Variants in NEU3 observed in about 807,000 individuals in gnomAD.
The protein encoded by NEU3 is neuraminidase 3.
Under a neutral mutation model 11.4 loss-of-function variants are expected in NEU3, and 10 were observed. The observed-to-expected ratio is 0.88, with a 90% CI of 0.54 to 1.49. The LOEUF (loss-of-function observed/expected upper bound fraction) is 1.49, where lower values mean the gene tolerates loss of function less well. Among genes scored for constraint, NEU3 ranks in the 40% most tolerant of loss-of-function variants. The pLI is 0.00. For synonymous variants in NEU3, 212 were observed against 228.2 expected, an observed-to-expected ratio of 0.93 and a Z score of 0.64; for missense variants, 529 against 581.8, an observed-to-expected ratio of 0.91 and a Z score of 0.93.
Position 75,007,316 on chromosome 11 carries a change from C to G in NEU3, c.*824C>G, listed in dbSNP as rs749319792. On this transcript the variant is annotated 3_prime_UTR_variant, in exon 3 of 3. Transcript: ENST00000294064. Reference sequence around the variant, plus strand: ...TGGATTAGGACTTTAAAACACTGGACAGAATTTCCCACAGTCTTTGCCCTC... The same window carrying G: ...TGGATTAGGACTTTAAAACACTGGAGAGAATTTCCCACAGTCTTTGCCCTC... 3.3e-5 allele frequency: 5 copies of G among 152,186 alleles called. No homozygotes were observed. Among genetic ancestry groups the G allele is most frequent in the Non-Finnish European group, 7.3e-5 (5 of 68,036 alleles). 9.4% of individuals were successfully genotyped at this position (152,186 alleles called of 1,614,324 possible).
At position 75,005,534 on chromosome 11, in the gene NEU3, A is replaced by G. The variant is rs770046946; in HGVS notation, c.428A>G (p.His143Arg). 6.8e-6 allele frequency: 11 copies of G among 1,613,978 alleles called. No homozygotes were observed. The highest frequency in any genetic ancestry group is 5.0e-5 in the Admixed American group (3 of 60,018). ...VFLFFICVRG[H>R]VTERQQIVSG... ...CTGTTCTTCATCTGTGTGCGGGGCCATGTCACAGAGCGTCAACAGATTGTG... is the reference window on the plus strand; with the variant it reads ...CTGTTCTTCATCTGTGTGCGGGGCCGTGTCACAGAGCGTCAACAGATTGTG... Residue 143 changes from histidine (H) to arginine (R), a missense_variant, in exon 3 of 3, where the codon CAT becomes CGT. Physicochemically the swap from His to Arg is conservative, Grantham distance 29 (BLOSUM62 0). Transcript: ENST00000294064.
At chr11:74,984,370 C>T (rs1948654582), upstream of NEU3, among the ~76,000 whole-genome samples, 1 of 152,218 alleles carries the variant, frequency 6.6e-6, no homozygotes, top group Non-Finnish European at 1.5e-5. Context: ...CACTTCATTA[C>T]ATGTGCAGGT....
Position 74,988,991 on chromosome 11 carries a change from C to A in NEU3, c.-70C>A. 1 of 1,194,108 alleles carries A rather than the reference C, an allele frequency of 8.4e-7. No individual in the cohort carries two copies. The highest frequency in any genetic ancestry group is 1.2e-6 in the Non-Finnish European group (1 of 836,498). The allele number at this position is 1,194,108 out of a possible 1,614,324, so 74.0% of individuals were successfully genotyped here. ...TCCGTGTCCTCCGTCTCAGTTGTTTCTCCCTCTCTATCCTCCTCTGTCTCA... is the reference window on the plus strand; with the variant it reads ...TCCGTGTCCTCCGTCTCAGTTGTTTATCCCTCTCTATCCTCCTCTGTCTCA... On this transcript the variant is annotated 5_prime_UTR_variant, in exon 1 of 3. Coordinates refer to ENST00000294064, the MANE Select transcript of NEU3 (RefSeq NM_006656.6).
In NEU3 at chr11:74,996,734, C is replaced by T. The variant is rs563068216; in HGVS notation, c.306+2014C>T. On this transcript the variant is annotated intron_variant, in intron 2 of 2. Transcript: ENST00000294064. ...AATCACTATCTATGGCAACTATAGT[C>T]TTATGAAATATTTCTTAAATAATGA... Among the ~76,000 whole-genome samples, 3 of 152,280 alleles carry T rather than the reference C, an allele frequency of 2.0e-5. No individual in the cohort carries two copies. The East Asian group carries it at 5.8e-4, about 29-fold the overall frequency.
At chr11:74,984,125 C>T (rs1019507141), upstream of NEU3, among the ~76,000 whole-genome samples, 1 of 152,114 alleles carries the variant, frequency 6.6e-6, no homozygotes, top group African/African-American at 2.4e-5. Flanking sequence ...CATCAAAAGC[C>T]AAGATGGCAT....
chr11:74,983,453 C>A (rs1265409055), upstream of NEU3, among the ~76,000 whole-genome samples: 1 of 152,206 alleles, frequency 6.6e-6, no homozygotes, highest in African/African-American at 2.4e-5. Flanking sequence ...GCTATGTGGA[C>A]TTTGCAGTCA....
In NEU3 at chr11:75,007,621, C is replaced by T. The variant is rs972852261; in HGVS notation, c.*1129C>T. 1 of 152,260 alleles carries T rather than the reference C, an allele frequency of 6.6e-6. No homozygotes were observed. The highest frequency in any genetic ancestry group is 2.4e-5 in the African/African-American group (1 of 41,542). 9.4% of individuals were successfully genotyped at this position (152,260 alleles called of 1,614,324 possible). A position where few individuals can be genotyped will look rare whatever the true frequency, so the allele number is the denominator to read the frequency against. The stretch of plus-strand genomic sequence containing the variant: ...CACCATTAGGAAGATCTCTAGACCC[C>T]CAGATCTCAGAATCAGGCCTATTTG... On this transcript the variant is annotated 3_prime_UTR_variant, in exon 3 of 3. Transcript: ENST00000294064.
Position 75,006,019 on chromosome 11 carries a change from C to T in NEU3, c.913C>T (p.Leu305Phe), listed in dbSNP as rs370296365. ...GFQRLALSRQ[L>F]CEPPHGCQGS... ...TCAGAGACTGGCCCTGAGTCGACAG[C>T]TCTGTGAGCCCCCACATGGTTGCCA... The change falls in exon 3 of 3, where the codon CTC becomes TTC. Residue 305 changes from leucine to phenylalanine, a missense_variant. Transcript: ENST00000294064. The T allele has an allele frequency of 6.2e-7, 1 of 1,613,886 alleles. No individual in the cohort carries two copies. Among genetic ancestry groups the T allele is most frequent in the African/African-American group, 1.3e-5 (1 of 74,920 alleles).
upstream of NEU3, among the ~76,000 whole-genome samples, chr11:74,986,866 TA>T (rs1177489980): frequency 2.6e-5 from 4 of 152,338 alleles, no homozygotes; most frequent in Admixed American, 2.6e-4. Flanking sequence ...CTTAACTCAT[TA>T]CTGTTTTGTT....
At chr11:75,001,153 C>T (rs1484703819) in intron 2 of NEU3, among the ~76,000 whole-genome samples, 1 of 152,036 alleles carries the variant, frequency 6.6e-6, no homozygotes, top group Non-Finnish European at 1.5e-5. Context: ...GGTAGCTGTC[C>T]AAATAGTTGT....
intron 2 of NEU3, 51 bp downstream of exon 2, chr11:74,994,771 G>C (rs767654941): frequency 6.7e-7 from 1 of 1,494,688 alleles, no homozygotes; most frequent in African/African-American, 1.4e-5. Context: ...TCTTCACAAA[G>C]CTCAGAGCTC....
At chr11:75,004,349 G>T in intron 2 of NEU3, 2 of 656,202 alleles carry the variant, frequency 3.0e-6, no homozygotes, top group South Asian at 3.3e-5. Context: ...CAAACTCCTG[G>T]ACTCAAGCTA....
chr11:75,020,096 G>T (rs1031511789), downstream of NEU3, among the ~76,000 whole-genome samples: 11 of 152,160 alleles, frequency 7.2e-5, no homozygotes, highest in Non-Finnish European at 1.3e-4. Flanking sequence ...TGACTGCCCT[G>T]CTGGATTTCG....
At chr11:74,995,293 C>T (rs1449027816) in intron 2 of NEU3, among the ~76,000 whole-genome samples, 2 of 152,152 alleles carry the variant, frequency 1.3e-5, no homozygotes, top group Admixed American at 1.3e-4. Context: ...ATTTTATTAT[C>T]CCCATTTTGC....
At chr11:74,989,853 G>A (rs1948711173) in intron 1 of NEU3, 2 of 646,660 alleles carry the variant, frequency 3.1e-6, no homozygotes, top group East Asian at 2.7e-5. Context: ...AAAGCGGGAA[G>A]GACTTGATGG....
intron 2 of NEU3, among the ~76,000 whole-genome samples, chr11:75,004,978 A>G (rs1948883304): frequency 6.7e-6 from 1 of 148,370 alleles, no homozygotes; most frequent in Non-Finnish European, 1.5e-5. Flanking sequence ...ATTATGTACC[A>G]GGGGCTGGAG....
At chr11:74,984,214 A>G (rs1169620244), upstream of NEU3, among the ~76,000 whole-genome samples, 1 of 152,212 alleles carries the variant, frequency 6.6e-6, no homozygotes, top group Non-Finnish European at 1.5e-5. Flanking sequence ...AAAGAGAGGC[A>G]CTGACTATCT....
At chr11:74,980,841 A>T in the NEU3 span, among the ~76,000 whole-genome samples, 1 of 152,238 alleles carries the variant, frequency 6.6e-6, no homozygotes, top group African/African-American at 2.4e-5. Context: ...TCAGCCTCAG[A>T]TCTGCCCCAT....
rs1238763138 is a variant in NEU3, at chr11:74,989,112, A to C, written c.52A>C (p.Ser18Arg). The change falls in exon 1 of 3, where the codon AGC becomes CGC. Residue 18 changes from serine (S) to arginine (R), a missense_variant. Ser to Arg is a moderately radical substitution (Grantham distance 110). Coordinates refer to ENST00000294064, the MANE Select transcript of NEU3 (RefSeq NM_006656.6). ...CCCCATGGAAGAATCCCCGGCGTCCAGCTCTGCCCCGACAGAGACGGAGGA... is the reference window on the plus strand; with the variant it reads ...CCCCATGGAAGAATCCCCGGCGTCCCGCTCTGCCCCGACAGAGACGGAGGA... ...PRPMEESPAS[S>R]SAPTETEEPG... 1 of 1,551,078 alleles carries C rather than the reference A, an allele frequency of 6.4e-7. No homozygotes were observed. The highest frequency in any genetic ancestry group is 1.2e-5 in the South Asian group (1 of 84,044).
Sources: allele counts gnomAD v4.1 joint callset (sites outside exome capture counted in the v4.1 genomes callset), GRCh38; gene constraint gnomAD v4.1.1; transcripts MANE v1.5; gene names NCBI Gene and HGNC (gene_info 2026-07-23, HGNC 2026-07-21).